Variants in ERC2 observed in about 807,000 individuals in gnomAD.
ERC2 encodes the protein ELKS/RAB6-interacting/CAST family member 2.
ERC2 carries 42 observed loss-of-function variants against 114.8 expected under a neutral mutation model. The ratio of observed to expected loss-of-function variants is 0.37; its 90% CI spans 0.29 to 0.47. The LOEUF is 0.47. Among genes scored for constraint, ERC2 ranks in the 20% least tolerant of loss-of-function variants. The pLI is 0.99. For synonymous variants in ERC2, 454 were observed against 425.5 expected (o/e 1.07, Z -0.82); for missense variants, 939 against 1,150.7 (o/e 0.82, Z 2.66).
chr3:56,134,048 G>A (rs535539106), intron 6 of ERC2, among the ~76,000 whole-genome samples: 1 of 152,202 alleles, frequency 6.6e-6, no homozygotes, highest in Admixed American at 6.5e-5. Context: ...CAAGTTGCTT[G>A]AGTGTGACCT....
At chr3:55,915,982 T>C (rs2065069139) in intron 13 of ERC2, among the ~76,000 whole-genome samples, 1 of 152,114 alleles carries the variant, frequency 6.6e-6, no homozygotes, top group South Asian at 2.1e-4. Flanking sequence ...AAATAGAACA[T>C]GCATATTCAT....
intron 14 of ERC2, among the ~76,000 whole-genome samples, chr3:55,788,555 A>G (rs2069705068): frequency 6.6e-6 from 1 of 152,228 alleles, no homozygotes; most frequent in Admixed American, 6.5e-5. Context: ...TGAGTCAAGC[A>G]TATAATTCGG....
intron 2 of ERC2, among the ~76,000 whole-genome samples, chr3:56,402,000 T>C (rs2060538416): frequency 6.6e-6 from 1 of 152,146 alleles, no homozygotes; most frequent in Non-Finnish European, 1.5e-5. Context: ...GCAAGAGAGC[T>C]TGTGCAGGGG....
rs2077286201 is a variant in ERC2 at position 56,082,444 on chromosome 3, T to C, written c.1474-1460A>G. ...GTAACTGTAAGACATAAATTTCTGT[T>C]GTTTATAAGCCACCCAGTCTCGGTG... On this transcript the variant is annotated intron_variant, in intron 6 of 17. Coordinates refer to ENST00000288221, the MANE Select transcript of ERC2 (RefSeq NM_015576.3). Among the ~76,000 whole-genome samples, 2 of 152,098 alleles carry C rather than the reference T, an allele frequency of 1.3e-5. 1 individual carries two copies. The highest frequency in any genetic ancestry group is 2.9e-5 in the Non-Finnish European group (2 of 68,028).
At chr3:56,442,018 T>C (rs1165624648) in intron 1 of ERC2, among the ~76,000 whole-genome samples, 1 of 152,184 alleles carries the variant, frequency 6.6e-6, no homozygotes, top group Non-Finnish European at 1.5e-5. Context: ...ATAAAATTAA[T>C]TAATTAGTTA....
At chr3:55,675,214 A>G (rs1361387205) in intron 17 of ERC2, among the ~76,000 whole-genome samples, 1 of 152,240 alleles carries the variant, frequency 6.6e-6, no homozygotes, top group Non-Finnish European at 1.5e-5. Flanking sequence ...AAGCTAGAGG[A>G]CATGTATATT....
At chr3:55,698,624 G>A (rs993459067) in intron 16 of ERC2, among the ~76,000 whole-genome samples, 1 of 152,140 alleles carries the variant, frequency 6.6e-6, no homozygotes, top group Non-Finnish European at 1.5e-5. Flanking sequence ...CACCAAAAAC[G>A]GGGGCAGGGG....
At chr3:56,244,701 T>A (rs2051562653) in intron 3 of ERC2, among the ~76,000 whole-genome samples, 2 of 152,110 alleles carry the variant, frequency 1.3e-5, no homozygotes, top group African/African-American at 4.8e-5. Context: ...AATGTAAAAA[T>A]TTACAGTAAG....
chr3:55,719,020 G>A (rs778362925), intron 15 of ERC2, among the ~76,000 whole-genome samples: 35 of 152,246 alleles, frequency 2.3e-4, no homozygotes, highest in Non-Finnish European at 5.0e-4. Context: ...AAATTGTAGT[G>A]AAGTCGTACA....
intron 13 of ERC2, among the ~76,000 whole-genome samples, chr3:55,935,216 A>T (rs1232538956): frequency 6.6e-6 from 1 of 152,224 alleles, no homozygotes; most frequent in Non-Finnish European, 1.5e-5. Context: ...AAAGAGTATG[A>T]TCTCTTGCAT....
intron 4 of ERC2, among the ~76,000 whole-genome samples, chr3:56,151,112 G>A (rs2149956638): frequency 6.6e-6 from 1 of 152,270 alleles, no homozygotes; most frequent in Non-Finnish European, 1.5e-5. Context: ...CATTATTGAA[G>A]TCACCCAGTC....
chr3:55,986,080 G>GT (rs2070605320), intron 11 of ERC2, 92 bp from the exon 12 acceptor site: 1 of 1,202,370 alleles, frequency 8.3e-7, no homozygotes, highest in South Asian at 1.3e-5. Flanking sequence ...AAATGCATTA[G>GT]TTTTAAACAT....
intron 13 of ERC2, among the ~76,000 whole-genome samples, chr3:55,935,826 G>A (rs1297622997): frequency 6.6e-6 from 1 of 152,138 alleles, no homozygotes; most frequent in Non-Finnish European, 1.5e-5. Flanking sequence ...TTCTAATGAG[G>A]AAGGTGCCCT....
chr3:55,716,258 A>G (rs1033523765), intron 15 of ERC2, among the ~76,000 whole-genome samples: 41 of 152,182 alleles, frequency 2.7e-4, no homozygotes, highest in African/African-American at 9.4e-4. Context: ...TCCCCCACAG[A>G]AACTCTCCCA....
chr3:55,979,064 T>C (rs1442705227), intron 12 of ERC2, among the ~76,000 whole-genome samples: 1 of 152,188 alleles, frequency 6.6e-6, no homozygotes, highest in Non-Finnish European at 1.5e-5. Context: ...TATCAGAAGA[T>C]TCTTCAGTTA....
At chr3:55,938,075 T>C (rs1408352267) in intron 13 of ERC2, among the ~76,000 whole-genome samples, 2 of 152,054 alleles carry the variant, frequency 1.3e-5, no homozygotes, top group African/African-American at 4.8e-5. Flanking sequence ...TCCTAGTATG[T>C]CTTATGATTA....
chr3:55,808,475 C>G (rs1482697117), intron 14 of ERC2, among the ~76,000 whole-genome samples: 4 of 151,788 alleles, frequency 2.6e-5, no homozygotes, highest in Admixed American at 6.6e-5. Flanking sequence ...AGAAAGTAAT[C>G]ATTGCCAATT....
intron 13 of ERC2, among the ~76,000 whole-genome samples, chr3:55,929,148 C>T (rs1433481428): frequency 6.6e-6 from 1 of 152,180 alleles, no homozygotes; most frequent in Non-Finnish European, 1.5e-5. Flanking sequence ...TTTCTATCTA[C>T]TGATTGCTGG....
rs1311696138 is a variant in ERC2 at position 55,714,661 on chromosome 3, GTGTGTGTATATATATATATATATATATA to G, written c.2713-15177_2713-15150del. Among the ~76,000 whole-genome samples, 643 of 71,762 alleles carry G rather than the reference GTGTGTGTATATATATATATATATATATA, an allele frequency of 9.0e-3. 18 individuals are homozygous for G. The highest frequency in any genetic ancestry group is 0.034 in the African/African-American group (581 of 17,140). The allele number at this position is 71,762 out of a possible 152,430, so 47.1% of individuals were successfully genotyped here. A position where few individuals can be genotyped will look rare whatever the true frequency, so the allele number is the denominator to read the frequency against. On this transcript the variant is annotated intron_variant, in intron 15 of 17. Coordinates refer to ENST00000288221, the MANE Select transcript of ERC2 (RefSeq NM_015576.3). ...TATATGTGTGTGTGTGTGTGTGTGT[GTGTGTGTATATATATATATATATATATA>G]TATATATATATATATATATATATAT...
Sources: allele counts gnomAD v4.1 joint callset (sites outside exome capture counted in the v4.1 genomes callset), GRCh38; gene constraint gnomAD v4.1.1; transcripts MANE v1.5; gene names NCBI Gene and HGNC (gene_info 2026-07-23, HGNC 2026-07-21).